Variants in ARHGAP29 observed in about 807,000 individuals in gnomAD.
ARHGAP29 encodes Rho GTPase activating protein 29, also known as rho GTPase-activating protein 29.
In ARHGAP29, 43 loss-of-function variants were observed where a neutral mutation model predicts 122.6. The ratio of observed to expected loss-of-function variants is 0.35; its 90% CI spans 0.27 to 0.45. The LOEUF is 0.45. Among genes scored for constraint, ARHGAP29 ranks in the 20% least tolerant of loss-of-function variants. The probability of loss-of-function intolerance (pLI) is 1.00; values close to 1 mark genes in which losing one functional copy is unlikely to be tolerated. For missense variants in ARHGAP29, 1,303 were observed against 1,477.2 expected, an observed-to-expected ratio of 0.88 and a Z score of 1.93; for synonymous variants, 506 against 497.1, an observed-to-expected ratio of 1.02 and a Z score of -0.24.
intron 1 of ARHGAP29, among the ~76,000 whole-genome samples, chr1:94,273,132 G>T (rs955822118): frequency 6.6e-6 from 1 of 152,148 alleles, no homozygotes; most frequent in Non-Finnish European, 1.5e-5. Flanking sequence ...TTGAAAGTGG[G>T]GGTTGCCTAC....
Position 94,172,585 on chromosome 1 carries a change from C to T in ARHGAP29, c.*1284G>A, listed in dbSNP as rs775091605. 4.8e-5 allele frequency: 7 copies of T among 145,756 alleles called. No homozygotes were observed. The highest frequency in any genetic ancestry group is 6.0e-5 in the Non-Finnish European group (4 of 66,820). 9.0% of individuals were successfully genotyped at this position (145,756 alleles called of 1,614,324 possible). On this transcript the variant is annotated 3_prime_UTR_variant, in exon 23 of 23. Transcript: ENST00000260526. Reference sequence around the variant, plus strand: ...ATAGGCAACAACTGAAAAGAAGCCACGGGAACATGAAATAATTTAACAAGT... The same window carrying T: ...ATAGGCAACAACTGAAAAGAAGCCATGGGAACATGAAATAATTTAACAAGT...
At chr1:94,247,374 C>A (rs540987362) in intron 1 of ARHGAP29, among the ~76,000 whole-genome samples, 18 of 152,042 alleles carry the variant, frequency 1.2e-4, no homozygotes, top group African/African-American at 3.9e-4. Context: ...CAACTCAGAG[C>A]GCGCACCCGG....
At chr1:94,299,108 T>G in the ARHGAP29 span, among the ~76,000 whole-genome samples, 1 of 152,124 alleles carries the variant, frequency 6.6e-6, no homozygotes, top group Admixed American at 6.5e-5. Flanking sequence ...TGGTTTATAA[T>G]CATCGAGGTA....
intron 1 of ARHGAP29, among the ~76,000 whole-genome samples, chr1:94,273,857 C>A (rs1346696710): frequency 1.3e-5 from 2 of 150,634 alleles, no homozygotes; most frequent in African/African-American, 4.9e-5. Context: ...AATGCTCTGG[C>A]TTTATTTTGA....
intron 1 of ARHGAP29, among the ~76,000 whole-genome samples, chr1:94,268,259 C>T (rs910342270): frequency 3.9e-5 from 6 of 152,072 alleles, no homozygotes; most frequent in Admixed American, 1.3e-4. Flanking sequence ...TACTAAGTCC[C>T]TTCTCTTCTT....
chr1:94,185,508 T>C (rs1179637689), intron 16 of ARHGAP29, 27 bp from the exon 17 acceptor site: 25 of 1,567,662 alleles, frequency 1.6e-5, no homozygotes, highest in Non-Finnish European at 2.1e-5. Flanking sequence ...TTTACAAAAA[T>C]TGTAAAATGA....
the ARHGAP29 span, among the ~76,000 whole-genome samples, chr1:94,292,447 T>C: frequency 6.6e-6 from 1 of 152,232 alleles, no homozygotes; most frequent in African/African-American, 2.4e-5. Flanking sequence ...TTCTGAAGCC[T>C]ACTTCCGTCA....
chr1:94,270,244 G>A (rs748680133), intron 1 of ARHGAP29, among the ~76,000 whole-genome samples: 2 of 152,130 alleles, frequency 1.3e-5, no homozygotes, highest in Non-Finnish European at 2.9e-5. Context: ...AGTTTTTGGG[G>A]TCCAGTGGTC....
At chr1:94,271,517 G>C (rs1043893436) in intron 1 of ARHGAP29, among the ~76,000 whole-genome samples, 24 of 152,084 alleles carry the variant, frequency 1.6e-4, no homozygotes, top group African/African-American at 5.6e-4. Context: ...AGATTATTAG[G>C]AGCCAGATTA....
Position 94,171,640 on chromosome 1 carries a change from C to T in ARHGAP29, c.*2229G>A, listed in dbSNP as rs1387797627. 6.6e-6 allele frequency: 1 copy of T among 152,234 alleles called. No homozygotes were observed. Among genetic ancestry groups the T allele is most frequent in the Non-Finnish European group, 1.5e-5 (1 of 68,056 alleles). The allele number at this position is 152,234 out of a possible 1,614,324, so 9.4% of individuals were successfully genotyped here. On this transcript the variant is annotated 3_prime_UTR_variant, in exon 23 of 23. Transcript: ENST00000260526. The stretch of plus-strand genomic sequence containing the variant: ...AATAGCAACCTCTTCTCAAGAGATA[C>T]TTGCCTCAGGGCCCCAGGAAACTAG...
intron 2 of ARHGAP29, among the ~76,000 whole-genome samples, chr1:94,222,339 T>G (rs1289715017): frequency 1.3e-5 from 2 of 152,178 alleles, no homozygotes; most frequent in African/African-American, 4.8e-5. Context: ...ACAAAAAGAA[T>G]AACTTGACAG....
intron 1 of ARHGAP29, among the ~76,000 whole-genome samples, chr1:94,244,704 G>A (rs1318420183): frequency 6.6e-6 from 1 of 151,950 alleles, no homozygotes; most frequent in Admixed American, 6.6e-5. Flanking sequence ...AATATAGCAA[G>A]GTCACAGAAT....
chr1:94,178,498 CATT>C (rs5776208), intron 20 of ARHGAP29, among the ~76,000 whole-genome samples: 35,934 of 151,922 alleles, frequency 0.24, 4,430 homozygotes, highest in Non-Finnish European at 0.27. Context: ...ACTTAAACAT[CATT>C]GTCAGGTGTC....
the ARHGAP29 span, among the ~76,000 whole-genome samples, chr1:94,303,831 C>A: frequency 3.9e-5 from 6 of 152,342 alleles, no homozygotes; most frequent in African/African-American, 1.4e-4. Flanking sequence ...TGCTTAAGTA[C>A]TAAGGCCCTG....
chr1:94,223,778 A>T (rs1652459334), intron 2 of ARHGAP29, among the ~76,000 whole-genome samples: 1 of 151,964 alleles, frequency 6.6e-6, no homozygotes, highest in African/African-American at 2.4e-5. Context: ...ATATAATTTG[A>T]ATAGGTGTAA....
upstream of ARHGAP29, among the ~76,000 whole-genome samples, chr1:94,241,736 A>T (rs1001096683): frequency 1.1e-4 from 14 of 132,380 alleles, no homozygotes; most frequent in South Asian, 2.5e-4. Flanking sequence ...ATATATATTT[A>T]TATATATATA....
rs1005830049 is a variant in ARHGAP29, at chr1:94,179,993, A to G, written c.2248-36T>C. On this transcript the variant is annotated intron_variant, in intron 19 of 22. Transcript: ENST00000260526. ...AAAATTACATTGGGGTAAGCATTCT[A>G]TTTTTTTCTGTTAATAATCAACTAT... 4.9e-6 allele frequency: 7 copies of G among 1,442,530 alleles called. No homozygotes were observed. In the African/African-American group the frequency reaches 1.0e-4, roughly 21 times the overall value. The allele number at this position is 1,442,530 out of a possible 1,614,324, so 89.4% of individuals were successfully genotyped here. A position where few individuals can be genotyped will look rare whatever the true frequency, so the allele number is the denominator to read the frequency against.
At chr1:94,195,621 A>C (rs540975978) in intron 12 of ARHGAP29, 1 of 152,302 alleles carries the variant, frequency 6.6e-6, no homozygotes, top group African/African-American at 2.4e-5. Flanking sequence ...GCATAAACAA[A>C]AAAGAAATAA....
chr1:94,198,894 TA>T (rs1650644384), intron 12 of ARHGAP29, among the ~76,000 whole-genome samples: 1 of 152,158 alleles, frequency 6.6e-6, no homozygotes, highest in Admixed American at 6.6e-5. Flanking sequence ...AACAATTCTA[TA>T]AAAGAATAAA....
Sources: allele counts gnomAD v4.1 joint callset (sites outside exome capture counted in the v4.1 genomes callset), GRCh38; gene constraint gnomAD v4.1.1; transcripts MANE v1.5; gene names NCBI Gene and HGNC (gene_info 2026-07-23, HGNC 2026-07-21).